PTBP3: variants seen among roughly 807,000 people sequenced by gnomAD.
PTBP3 encodes the protein polypyrimidine tract binding protein 3, also known as polypyrimidine tract-binding protein 3.
In PTBP3, 20 loss-of-function variants were observed where a neutral mutation model predicts 58.7. The ratio of observed to expected loss-of-function variants is 0.34; its 90% confidence interval spans 0.24 to 0.50. The LOEUF (loss-of-function observed/expected upper bound fraction) is 0.50. Among genes scored for constraint, PTBP3 ranks in the 20% least tolerant of loss-of-function variants. The pLI, the probability that PTBP3 is intolerant of heterozygous loss-of-function variation, is 0.98. For missense variants in PTBP3, 509 were observed against 637.2 expected, an observed-to-expected ratio of 0.80 and a Z score of 2.17; for synonymous variants, 185 against 219.8, an observed-to-expected ratio of 0.84 and a Z score of 1.40.
chr9:112,352,649 C>A, the PTBP3 span, among the ~76,000 whole-genome samples: 1 of 152,186 alleles, frequency 6.6e-6, no homozygotes, highest in Non-Finnish European at 1.5e-5. Flanking sequence ...TGCTTCTGGG[C>A]CTTCAGGAAC....
chr9:112,289,124 ATGAT>A (rs1828265714), intron 2 of PTBP3, among the ~76,000 whole-genome samples: 1 of 152,242 alleles, frequency 6.6e-6, no homozygotes, highest in Non-Finnish European at 1.5e-5. Context: ...GTAAACAAAA[ATGAT>A]ACGCGCTGCT....
the PTBP3 span, among the ~76,000 whole-genome samples, chr9:112,371,407 T>C: frequency 6.6e-6 from 1 of 152,204 alleles, no homozygotes; most frequent in Non-Finnish European, 1.5e-5. Context: ...TAATTGCACT[T>C]GGATTTTTCA....
At chr9:112,346,866 G>A in the PTBP3 span, among the ~76,000 whole-genome samples, 1 of 152,258 alleles carries the variant, frequency 6.6e-6, no homozygotes, top group East Asian at 1.9e-4. Context: ...TGGGACTACA[G>A]GTGCGTGCCA....
chr9:112,276,025 A>T lies in PTBP3; in HGVS notation c.35-12T>A, dbSNP rs778025950. 8 of 1,604,584 alleles carry T rather than the reference A, an allele frequency of 5.0e-6. No individual in the cohort carries two copies. In the South Asian group the frequency reaches 8.8e-5, roughly 18 times the overall value. On this transcript the variant is annotated splice_polypyrimidine_tract_variant and intron_variant, in intron 2 of 13. Coordinates refer to ENST00000374257, the MANE Select transcript of PTBP3 (RefSeq NM_001163788.4). Reference sequence around the variant, plus strand: ...GTCATTCCCATTAGCTAAAAAACATAAGATTCTTTTTTAAATTACTGCAAC... The same window carrying T: ...GTCATTCCCATTAGCTAAAAAACATTAGATTCTTTTTTAAATTACTGCAAC...
chr9:112,305,960 A>G (rs1829182946), intron 1 of PTBP3, among the ~76,000 whole-genome samples: 1 of 151,978 alleles, frequency 6.6e-6, no homozygotes, highest in Admixed American at 6.6e-5. Context: ...AATAAAAATA[A>G]AAATAAATAA....
intron 8 of PTBP3, among the ~76,000 whole-genome samples, 182 bp downstream of exon 8, chr9:112,234,638 G>A (rs1365828195): frequency 1.3e-5 from 2 of 152,188 alleles, no homozygotes; most frequent in Non-Finnish European, 1.5e-5. Flanking sequence ...TAGGACCAGA[G>A]AGAATAATTT....
intron 1 of PTBP3, among the ~76,000 whole-genome samples, chr9:112,304,228 G>T (rs1241765150): frequency 6.6e-6 from 1 of 151,670 alleles, no homozygotes; most frequent in Non-Finnish European, 1.5e-5. Context: ...GAATTGTATG[G>T]GACATTTATT....
intron 1 of PTBP3, among the ~76,000 whole-genome samples, chr9:112,310,347 T>G (rs1404657600): frequency 1.3e-5 from 2 of 152,226 alleles, no homozygotes; most frequent in Admixed American, 6.5e-5. Context: ...TATTGAATAT[T>G]TTCTTTAATG....
At chr9:112,276,313 A>G (rs1038803063) in intron 2 of PTBP3, among the ~76,000 whole-genome samples, 15 of 152,108 alleles carry the variant, frequency 9.9e-5, no homozygotes, top group African/African-American at 3.4e-4. Context: ...ACCTCTAAAT[A>G]CTCAACTTTT....
At chr9:112,285,048 C>CA (rs35162263) in intron 2 of PTBP3, among the ~76,000 whole-genome samples, 129,138 of 152,104 alleles carry the variant, frequency 0.85, 55,237 homozygotes, top group African/African-American at 0.95. Context: ...TGGGAGGGGC[C>CA]GGGGCAGAAT....
chr9:112,308,583 G>A (rs1829337158), intron 1 of PTBP3, among the ~76,000 whole-genome samples: 2 of 151,996 alleles, frequency 1.3e-5, no homozygotes, highest in Admixed American at 1.3e-4. Context: ...AGACAATCAA[G>A]CAGAATGAAG....
chr9:112,267,152 T>TA (rs1271816456), intron 4 of PTBP3, among the ~76,000 whole-genome samples: 3 of 149,582 alleles, frequency 2.0e-5, no homozygotes, highest in Non-Finnish European at 4.4e-5. Flanking sequence ...ATCATAATTT[T>TA]AAAAAAACCC....
intron 1 of PTBP3, among the ~76,000 whole-genome samples, chr9:112,320,311 TATA>T (rs1287349362): frequency 3.9e-5 from 2 of 51,774 alleles, no homozygotes; most frequent in East Asian, 3.6e-4. Context: ...TATATATATA[TATA>T]TTTTTTTTTA....
the PTBP3 span, among the ~76,000 whole-genome samples, chr9:112,349,842 TGACAGAGTGA>T: frequency 8.8e-6 from 1 of 113,252 alleles, no homozygotes; most frequent in Non-Finnish European, 1.6e-5. Context: ...CCAGCCTGGG[TGACAGAGTGA>T]GACTCTGTCT....
At chr9:112,333,440 G>C in intron 1 of PTBP3, 30 bp downstream of exon 1, 2 of 1,570,268 alleles carry the variant, frequency 1.3e-6, no homozygotes, top group Non-Finnish European at 1.7e-6. Flanking sequence ...AAGGCAACCC[G>C]GTGCGGCCGC....
At chr9:112,244,023 AG>A (rs1835767452) in intron 7 of PTBP3, among the ~76,000 whole-genome samples, 1 of 151,870 alleles carries the variant, frequency 6.6e-6, no homozygotes, top group African/African-American at 2.4e-5. Flanking sequence ...CAGGAATAGC[AG>A]GGCACAGTGG....
chr9:112,231,966 A>AGAGAAGAGAAGAGAG (rs1835232724), intron 9 of PTBP3, 133 bp downstream of exon 9: 1 of 180,366 alleles, frequency 5.5e-6, no homozygotes, highest in Non-Finnish European at 9.4e-6. Flanking sequence ...AGAGAAGAGA[A>AGAGAAGAGAAGAGAG]GAGAGAAGAG....
At chr9:112,240,793 T>G (rs1025864618) in intron 7 of PTBP3, among the ~76,000 whole-genome samples, 2 of 152,134 alleles carry the variant, frequency 1.3e-5, no homozygotes, top group South Asian at 4.1e-4. Context: ...GGACAAGATG[T>G]AGAAGTAGAA....
the PTBP3 span, among the ~76,000 whole-genome samples, chr9:112,349,153 T>A: frequency 6.6e-6 from 1 of 151,922 alleles, no homozygotes; most frequent in Non-Finnish European, 1.5e-5. Context: ...CAGTATGGTG[T>A]CAGTAGGAAA....
Sources: gnomAD v4.1 joint callset for allele counts (sites outside exome capture counted in the v4.1 genomes callset) on GRCh38, gnomAD v4.1.1 for gene constraint, MANE v1.5 for transcripts, NCBI Gene and HGNC (gene_info 2026-07-23, HGNC 2026-07-21) for gene names.